The following NEK10 variants were observed in gnomAD, a reference collection of about 807,000 sequenced individuals.
NEK10 encodes the protein serine/threonine-protein kinase Nek10.
In NEK10, 122 loss-of-function variants were observed where a neutral mutation model predicts 159.8. The observed-to-expected ratio is 0.76, with a 90% CI of 0.66 to 0.89. NEK10 has a LOEUF of 0.89. Among genes scored for constraint, NEK10 ranks in the 40% least tolerant of loss-of-function variants. NEK10 has a pLI of 0.00. For synonymous variants in NEK10, 466 were observed against 457.1 expected (o/e 1.02, Z -0.25); for missense variants, 1,342 against 1,323.1 (o/e 1.01, Z -0.22).
intron 30 of NEK10, among the ~76,000 whole-genome samples, chr3:27,145,329 C>G (rs1428915931): frequency 6.6e-6 from 1 of 152,090 alleles, no homozygotes. Context: ...ATTTGGTCTC[C>G]TTAAAATTTA....
intron 19 of NEK10, among the ~76,000 whole-genome samples, chr3:27,289,861 T>C (rs1205990934): frequency 1.3e-5 from 2 of 152,226 alleles, no homozygotes; most frequent in African/African-American, 4.8e-5. Flanking sequence ...AGTAGAACTA[T>C]CGATTTTTAT....
At chr3:27,291,122 A>G in intron 18 of NEK10, 140 bp downstream of exon 18, 1 of 889,648 alleles carries the variant, frequency 1.1e-6, no homozygotes, top group East Asian at 2.7e-5. Flanking sequence ...TCTCTGTTGG[A>G]CAAAAACAAT....
At chr3:27,111,711 C>T (rs767216886) in intron 35 of NEK10, among the ~76,000 whole-genome samples, 2 of 152,050 alleles carry the variant, frequency 1.3e-5, no homozygotes, top group Non-Finnish European at 2.9e-5. Context: ...TTTCTCAACA[C>T]ATTTTATTAT....
intron 23 of NEK10, among the ~76,000 whole-genome samples, chr3:27,210,835 T>A (rs1374483215): frequency 6.6e-5 from 10 of 152,212 alleles, no homozygotes; most frequent in Admixed American, 6.5e-4. Flanking sequence ...CTAAATAACA[T>A]TTTATGAACC....
In NEK10 at chr3:27,340,065, T is replaced by C. The variant is rs538178064; in HGVS notation, c.362+4207A>G. Among the ~76,000 whole-genome samples, 6 of 152,204 alleles carry C rather than the reference T, an allele frequency of 3.9e-5. No individual in the cohort carries two copies. In the East Asian group the frequency reaches 1.2e-3, roughly 29 times the overall value. On this transcript the variant is annotated intron_variant, in intron 5 of 35. Transcript: ENST00000691995. Reference sequence around the variant, plus strand: ...ATAAAGACACATGCACATATATGTTTATTGCAGCACCATTTTCAATAGCAA... The same window carrying C: ...ATAAAGACACATGCACATATATGTTCATTGCAGCACCATTTTCAATAGCAA...
chr3:27,166,727 A>ACTTT lies in NEK10; in HGVS notation c.2832-3990_2832-3989insAAAG, dbSNP rs1559541593. On this transcript the variant is annotated intron_variant, in intron 29 of 35. Transcript: ENST00000691995. The stretch of plus-strand genomic sequence containing the variant: ...GCAATCCTACCACTTTGGGAGGCCC[A>ACTTT]GGGGGGTGGATCACCTGAAGTCAAG... Among the ~76,000 whole-genome samples, 54 of 152,242 alleles carry ACTTT rather than the reference A, an allele frequency of 3.5e-4. 1 individual carries two copies. Among genetic ancestry groups the ACTTT allele is most frequent in the African/African-American group, 1.2e-3 (50 of 41,550 alleles).
chr3:27,267,927 G>A (rs2041040302), intron 22 of NEK10, among the ~76,000 whole-genome samples: 1 of 152,234 alleles, frequency 6.6e-6, no homozygotes, highest in Non-Finnish European at 1.5e-5. Flanking sequence ...AGCTCTGGAA[G>A]GAAATTAAAA....
At chr3:27,270,156 G>T (rs911496722) in intron 22 of NEK10, among the ~76,000 whole-genome samples, 1 of 152,194 alleles carries the variant, frequency 6.6e-6, no homozygotes, top group Admixed American at 6.5e-5. Flanking sequence ...AGAAACTACA[G>T]CTTCCAATTG....
At chr3:27,282,345 G>C (rs2042221116) in intron 22 of NEK10, among the ~76,000 whole-genome samples, 1 of 151,136 alleles carries the variant, frequency 6.6e-6, no homozygotes, top group Non-Finnish European at 1.5e-5. Flanking sequence ...TATAAGTTTA[G>C]AAAAAAATAA....
intron 22 of NEK10, chr3:27,279,078 A>G: frequency 9.2e-6 from 2 of 216,984 alleles, no homozygotes; most frequent in Non-Finnish European, 7.9e-6. Context: ...ATAGCAGAAT[A>G]TGTGAGTACT....
At chr3:27,156,901 CATCA>C (rs1439192871) in intron 30 of NEK10, among the ~76,000 whole-genome samples, 10 of 129,166 alleles carry the variant, frequency 7.7e-5, no homozygotes, top group Non-Finnish European at 1.6e-4. Context: ...CCCAAATGCC[CATCA>C]ATCAAGGAGT....
chr3:27,313,805 C>G (rs552095003), intron 7 of NEK10, among the ~76,000 whole-genome samples: 33 of 152,204 alleles, frequency 2.2e-4, no homozygotes, highest in African/African-American at 7.9e-4. Context: ...CTCCGCCCCC[C>G]AGGTTTAAGC....
chr3:27,304,551 T>C (rs1253799208), intron 12 of NEK10, among the ~76,000 whole-genome samples, 196 bp downstream of exon 12: 1 of 152,090 alleles, frequency 6.6e-6, no homozygotes, highest in Non-Finnish European at 1.5e-5. Flanking sequence ...CCCCAAGGAA[T>C]TTAAAAGATG....
chr3:27,122,766 T>C (rs1941487097), intron 32 of NEK10, among the ~76,000 whole-genome samples: 1 of 152,130 alleles, frequency 6.6e-6, no homozygotes. Flanking sequence ...GACAGAAAGA[T>C]ATTTAAAGCC....
intron 10 of NEK10, among the ~76,000 whole-genome samples, 183 bp downstream of exon 10, chr3:27,308,743 C>A (rs2044440235): frequency 6.6e-6 from 1 of 152,014 alleles, no homozygotes; most frequent in South Asian, 2.1e-4. Flanking sequence ...CTGCAATTTG[C>A]CTTTCCAGTT....
chr3:27,303,550 A>T (rs1575659400), intron 12 of NEK10, among the ~76,000 whole-genome samples: 2 of 152,214 alleles, frequency 1.3e-5, no homozygotes, highest in Non-Finnish European at 2.9e-5. Flanking sequence ...AGCACTAATG[A>T]ATGACTTATA....
chr3:27,185,509 AT>A, intron 26 of NEK10, among the ~76,000 whole-genome samples: 1 of 152,142 alleles, frequency 6.6e-6, no homozygotes, highest in Non-Finnish European at 1.5e-5. Context: ...TGAGGAAGAG[AT>A]TCAGCCTGTG....
rs182664321 is a variant in NEK10, at chr3:27,177,203, G to A, written c.2506-2370C>T. 5.8e-4 allele frequency among the ~76,000 whole-genome samples: 89 copies of A among 152,186 alleles called. 1 individual carries two copies. The highest frequency in any genetic ancestry group is 2.1e-3 in the African/African-American group (88 of 41,510). ...TGAGAGAGATGCTTTTTCAGACTCT[G>A]TATGCATAAAAATATGATAATATAG... On this transcript the variant is annotated intron_variant, in intron 26 of 35. Coordinates refer to ENST00000691995, the MANE Select transcript of NEK10 (RefSeq NM_001394966.1).
In NEK10 at chr3:27,110,589, T is replaced by A. The variant is rs1412002474; in HGVS notation, c.*683A>T. The A allele has an allele frequency of 6.6e-6, 1 of 152,008 alleles. No homozygotes were observed. The highest frequency in any genetic ancestry group is 1.5e-5 in the Non-Finnish European group (1 of 67,900). 9.4% of individuals were successfully genotyped at this position (152,008 alleles called of 1,614,324 possible). ...ATACACACACTGTACAGCAATATATTCTATTAGTCTAAGTTAAATCTGACA... is the reference window on the plus strand; with the variant it reads ...ATACACACACTGTACAGCAATATATACTATTAGTCTAAGTTAAATCTGACA... On this transcript the variant is annotated 3_prime_UTR_variant, in exon 36 of 36. Coordinates refer to ENST00000691995, the MANE Select transcript of NEK10 (RefSeq NM_001394966.1).
Sources: allele counts gnomAD v4.1 joint callset (sites outside exome capture counted in the v4.1 genomes callset), GRCh38; gene constraint gnomAD v4.1.1; transcripts MANE v1.5; gene names NCBI Gene and HGNC (gene_info 2026-07-23, HGNC 2026-07-21).